The following ROBO2 variants were observed in gnomAD, a reference collection of about 807,000 sequenced individuals.
ROBO2 encodes roundabout guidance receptor 2.
ROBO2 carries 53 observed loss-of-function variants against 160.8 expected under a neutral mutation model. The ratio of observed to expected loss-of-function variants is 0.33; its 90% CI spans 0.26 to 0.41. The LOEUF is 0.41. Ranked by LOEUF, ROBO2 falls within the 10% of genes least tolerant of loss-of-function variation. The probability of loss-of-function intolerance (pLI) is 1.00; values close to 1 mark genes in which losing one functional copy is unlikely to be tolerated. For synonymous variants in ROBO2, 664 were observed against 611.7 expected, an observed-to-expected ratio of 1.09 and a Z score of -1.26; for missense variants, 1,577 against 1,722.4, an observed-to-expected ratio of 0.92 and a Z score of 1.49.
intron 1 of ROBO2, among the ~76,000 whole-genome samples, chr3:77,083,528 G>A (rs559865989): frequency 6.6e-6 from 1 of 152,130 alleles, no homozygotes; most frequent in Non-Finnish European, 1.5e-5. Context: ...GAGTGATGAG[G>A]AAAGGGAAAG....
At chr3:76,738,837 AT>A (rs1392054940) in intron 2 of ROBO2, among the ~76,000 whole-genome samples, 3 of 80,356 alleles carry the variant, frequency 3.7e-5, no homozygotes, top group African/African-American at 2.0e-4. Context: ...TTTTCTCTTG[AT>A]TGTTTTTTTT....
At chr3:77,324,999 T>C (rs2065234003) in intron 2 of ROBO2, among the ~76,000 whole-genome samples, 1 of 151,790 alleles carries the variant, frequency 6.6e-6, no homozygotes, top group Admixed American at 6.6e-5. Flanking sequence ...GATGTCAGAG[T>C]AAGTGCCAAG....
intron 2 of ROBO2, among the ~76,000 whole-genome samples, chr3:75,986,953 A>AC (rs2065431649): frequency 6.6e-6 from 1 of 151,634 alleles, no homozygotes; most frequent in Admixed American, 6.6e-5. Flanking sequence ...TGCCTGTGGC[A>AC]CCCTGTTTTG....
intron 2 of ROBO2, among the ~76,000 whole-genome samples, chr3:77,443,479 C>T (rs2153555841): frequency 1.3e-5 from 2 of 152,172 alleles, no homozygotes. Flanking sequence ...TATTTTATAA[C>T]TACTCAGCTA....
chr3:76,761,277 AAG>A (rs2061290832), intron 2 of ROBO2, among the ~76,000 whole-genome samples: 1 of 151,736 alleles, frequency 6.6e-6, no homozygotes, highest in East Asian at 2.0e-4. Context: ...CTTTCTGAGT[AAG>A]AGAGTTCAGA....
intron 2 of ROBO2, among the ~76,000 whole-genome samples, chr3:77,448,684 A>G (rs2080824685): frequency 6.6e-6 from 1 of 152,036 alleles, no homozygotes; most frequent in African/African-American, 2.4e-5. Flanking sequence ...AAATGAAGTA[A>G]GTAGAAAACT....
At chr3:76,869,773 T>A (rs2071828651) in intron 2 of ROBO2, among the ~76,000 whole-genome samples, 1 of 152,194 alleles carries the variant, frequency 6.6e-6, no homozygotes, top group South Asian at 2.1e-4. Context: ...CTCTTCATAA[T>A]CAAAATTGCC....
intron 2 of ROBO2, among the ~76,000 whole-genome samples, chr3:76,326,832 G>C (rs904073075): frequency 3.8e-5 from 5 of 131,864 alleles, no homozygotes; most frequent in Non-Finnish European, 4.6e-5. Flanking sequence ...ATGTGATCTC[G>C]TTGTTCAATT....
intron 21 of ROBO2, among the ~76,000 whole-genome samples, chr3:77,610,771 A>AAAAAAAAAAAAAAAAAAAAAAAAG (rs2094618492): frequency 6.6e-6 from 1 of 150,404 alleles, no homozygotes; most frequent in Non-Finnish European, 1.5e-5. Context: ...AAAAAAAGAA[A>AAAAAAAAAAAAAAAAAAAAAAAAG]ATAAATATAA....
At chr3:77,116,864 A>G (rs1038629957) in intron 2 of ROBO2, among the ~76,000 whole-genome samples, 1 of 152,160 alleles carries the variant, frequency 6.6e-6, no homozygotes, top group Non-Finnish European at 1.5e-5. Context: ...ACAGATAGAA[A>G]ATTACTGATG....
chr3:77,182,394 A>C (rs2080871530), intron 2 of ROBO2, among the ~76,000 whole-genome samples: 1 of 152,102 alleles, frequency 6.6e-6, no homozygotes, highest in Non-Finnish European at 1.5e-5. Context: ...AAGACATGTA[A>C]ATAAATGATT....
intron 2 of ROBO2, among the ~76,000 whole-genome samples, chr3:76,657,833 ATATGTGTATATG>A (rs748971516): frequency 1.6e-4 from 23 of 147,924 alleles, no homozygotes; most frequent in Non-Finnish European, 3.0e-4. Context: ...ATATATATGT[ATATGTGTATATG>A]TATGTGTATA....
intron 5 of ROBO2, among the ~76,000 whole-genome samples, chr3:77,517,771 C>G (rs2090174767): frequency 6.6e-6 from 1 of 151,332 alleles, no homozygotes; most frequent in Non-Finnish European, 1.5e-5. Flanking sequence ...CACTGGCCAG[C>G]TTCATTCCAC....
rs150101228 is a variant in ROBO2, at chr3:76,795,687, T to A, written c.110-302327T>A. The stretch of plus-strand genomic sequence containing the variant: ...AAACTTCTCAAACTCATCCATGAGG[T>A]TTGGAATCAACTCTTTTGAACATCC... On this transcript the variant is annotated intron_variant, in intron 2 of 26. Transcript: ENST00000487694. 1.4e-3 allele frequency among the ~76,000 whole-genome samples: 217 copies of A among 152,240 alleles called. 1 individual carries two copies. Among genetic ancestry groups the A allele is most frequent in the African/African-American group, 5.1e-3 (212 of 41,570 alleles).
chr3:77,114,086 G>A (rs909465991), intron 2 of ROBO2, among the ~76,000 whole-genome samples: 6 of 152,158 alleles, frequency 3.9e-5, no homozygotes, highest in African/African-American at 1.4e-4. Context: ...GGGAGTTTAA[G>A]AGACCACGTT....
rs151303500 is a variant in ROBO2 at position 76,180,692 on chromosome 3, A to G, written c.109+243090A>G. 3.2e-3 allele frequency among the ~76,000 whole-genome samples: 480 copies of G among 152,222 alleles called. 6 individuals are homozygous for G. The highest frequency in any genetic ancestry group is 0.011 in the African/African-American group (466 of 41,538). On this transcript the variant is annotated intron_variant, in intron 2 of 26. Transcript: ENST00000487694. Reference sequence around the variant, plus strand: ...TTTTCCATTTCTTCACAACCATTTCACTGAGTTTGCTCCCACCCTTAACCA... The same window carrying G: ...TTTTCCATTTCTTCACAACCATTTCGCTGAGTTTGCTCCCACCCTTAACCA...
intron 2 of ROBO2, among the ~76,000 whole-genome samples, chr3:77,224,371 GC>G (rs984113633): frequency 1.8e-4 from 27 of 152,090 alleles, no homozygotes; most frequent in African/African-American, 6.5e-4. Flanking sequence ...TTTACAGGAT[GC>G]TTGGGGAAAA....
intron 2 of ROBO2, among the ~76,000 whole-genome samples, chr3:76,845,821 A>G (rs775721276): frequency 2.6e-5 from 4 of 152,004 alleles, no homozygotes; most frequent in Non-Finnish European, 5.9e-5. Context: ...AAAGTTCCTA[A>G]GGTTATATTA....
At chr3:76,400,658 A>G (rs897625336) in intron 2 of ROBO2, among the ~76,000 whole-genome samples, 2 of 151,616 alleles carry the variant, frequency 1.3e-5, no homozygotes, top group East Asian at 1.9e-4. Context: ...CATCTGATAC[A>G]TATGTTTAAC....
Sources: gnomAD v4.1 joint callset for allele counts (sites outside exome capture counted in the v4.1 genomes callset) on GRCh38, gnomAD v4.1.1 for gene constraint, MANE v1.5 for transcripts, NCBI Gene and HGNC (gene_info 2026-07-23, HGNC 2026-07-21) for gene names.